SVIL: variants seen among roughly 807,000 people sequenced by gnomAD.
SVIL encodes the protein archvillin.
In SVIL, 101 loss-of-function variants were observed where a neutral mutation model predicts 240.4. That is an observed-to-expected ratio of 0.42 (90% CI 0.36 to 0.50). The LOEUF (loss-of-function observed/expected upper bound fraction) is 0.50. SVIL is among the 20% of genes least tolerant of loss of function. SVIL has a pLI of 0.01. For missense variants in SVIL, 2,512 were observed against 2,818.7 expected, an observed-to-expected ratio of 0.89 and a Z score of 2.46; for synonymous variants, 999 against 1,100.0, an observed-to-expected ratio of 0.91 and a Z score of 1.82.
At position 29,563,235 on chromosome 10, in the gene SVIL, TC is replaced by T. The variant is rs1954673888; in HGVS notation, c.-86del. ...GTGCAACTAAAAGCTGAGCATCGAT[TC>T]CTCTTTCGTGGTTAGCGAGCTGTTC... On this transcript the variant is annotated 5_prime_UTR_variant, in exon 3 of 38. Transcript: ENST00000355867. The T allele has an allele frequency of 1.0e-6, 1 of 985,706 alleles. No individual in the cohort carries two copies. The highest frequency in any genetic ancestry group is 1.7e-5 in the African/African-American group (1 of 57,238). 61.1% of individuals were successfully genotyped at this position (985,706 alleles called of 1,614,324 possible).
chr10:29,594,096 G>T (rs1956489510), intron 1 of SVIL, among the ~76,000 whole-genome samples: 1 of 152,114 alleles, frequency 6.6e-6, no homozygotes, highest in Admixed American at 6.6e-5. Flanking sequence ...ATTTCTGATT[G>T]TTCAATGGAC....
Position 29,551,109 on chromosome 10 carries a change from A to G in SVIL, c.315T>C (p.Ile105=), listed in dbSNP as rs3740003. The change falls in exon 6 of 38, where the codon ATT becomes ATC. Residue 105 remains isoleucine (I), a synonymous_variant. Transcript: ENST00000355867. ...THSLESKAER[I]ARYKAERRRQ... The stretch of plus-strand genomic sequence containing the variant: ...GCCTTCTTTCTGCTTTGTACCTTGC[A>G]ATTCTTTCGGCTTTGGACTCCAGAC... 0.27 allele frequency: 437,685 copies of G among 1,613,830 alleles called. 60,890 individuals are homozygous for G. Among genetic ancestry groups the G allele is most frequent in the African/African-American group, 0.41 (30,819 of 74,928 alleles).
intron 13 of SVIL, among the ~76,000 whole-genome samples, chr10:29,526,749 C>G (rs1222116482): frequency 1.3e-5 from 2 of 152,220 alleles, no homozygotes; most frequent in Non-Finnish European, 2.9e-5. Context: ...TAACACATAA[C>G]ATATGCAGAG....
chr10:29,608,146 C>T (rs2479694), intron 1 of SVIL, among the ~76,000 whole-genome samples: 19,384 of 152,202 alleles, frequency 0.13, 1,404 homozygotes, highest in Middle Eastern at 0.2. Context: ...ACATTACCCC[C>T]GCCTCCTCAC....
intron 17 of SVIL, among the ~76,000 whole-genome samples, chr10:29,505,297 G>C (rs1353325854): frequency 2.0e-5 from 3 of 152,126 alleles, no homozygotes; most frequent in Admixed American, 2.0e-4. Context: ...CTGCACTCCA[G>C]CCTGGGTAAC....
At chr10:29,606,792 TCG>T (rs1316538627) in intron 1 of SVIL, among the ~76,000 whole-genome samples, 1 of 152,214 alleles carries the variant, frequency 6.6e-6, no homozygotes, top group African/African-American at 2.4e-5. Context: ...TCTTGTTCTG[TCG>T]CCCAGGCTGG....
At chr10:29,488,289 C>T (rs1379666887) in intron 23 of SVIL, among the ~76,000 whole-genome samples, 8 of 151,930 alleles carry the variant, frequency 5.3e-5, no homozygotes, top group Non-Finnish European at 1.2e-4. Flanking sequence ...GGGCACGGGG[C>T]GCCAGGAGTA....
At position 29,516,732 on chromosome 10, in the gene SVIL, C is replaced by T. The variant is rs375831374; in HGVS notation, c.3390-3871G>A. Among the ~76,000 whole-genome samples, 479 of 152,358 alleles carry T rather than the reference C, an allele frequency of 3.1e-3. 7 individuals carry two copies. In the South Asian group the frequency reaches 0.045, roughly 14 times the overall value. On this transcript the variant is annotated intron_variant, in intron 16 of 37. Transcript: ENST00000355867. ...GCACGACACTGGCCCGCTCACCCAACGCCTGGCCCAGGGCCACCGTGACAG... is the reference window on the plus strand; with the variant it reads ...GCACGACACTGGCCCGCTCACCCAATGCCTGGCCCAGGGCCACCGTGACAG...
rs139718652 is a variant in SVIL, at chr10:29,532,165, G to A, written c.1846C>T (p.Arg616Trp). The A allele has an allele frequency of 2.2e-5, 36 of 1,613,404 alleles. No homozygotes were observed. Among genetic ancestry groups the A allele is most frequent in the East Asian group, 2.2e-5 (1 of 44,888 alleles). Residue 616 changes from arginine to tryptophan, a missense_variant, in exon 9 of 38, where the codon CGG (arginine) becomes TGG (tryptophan). Arg to Trp is a moderately radical substitution (Grantham distance 101). This residue lies in a region of SVIL where 1,443 missense variants were observed against 1,486.6 expected (regional missense o/e 0.97). Transcript: ENST00000355867. ...NACRRPELKS[R>W]VERSAEGPGL... ...GGTCCTTCAGCCGACCTCTCCACCC[G>A]TGATTTGCTTTGAGAATCAAAGGGC...
At chr10:29,500,825 A>G (rs923735621) in intron 17 of SVIL, among the ~76,000 whole-genome samples, 21 of 152,000 alleles carry the variant, frequency 1.4e-4, no homozygotes, top group African/African-American at 4.6e-4. Context: ...TTTCCTCCTC[A>G]CTATGGCAAA....
intron 30 of SVIL, among the ~76,000 whole-genome samples, chr10:29,471,703 C>A (rs1945601612): frequency 1.3e-5 from 2 of 152,232 alleles, no homozygotes. Context: ...GCAGTCCACT[C>A]AGCCTCTTCC....
intron 1 of SVIL, among the ~76,000 whole-genome samples, chr10:29,622,343 G>A (rs1957693133): frequency 1.3e-5 from 2 of 150,984 alleles, no homozygotes; most frequent in Non-Finnish European, 2.9e-5. Flanking sequence ...GAATCTAAGT[G>A]GCTTGTACAG....
chr10:29,501,049 T>G (rs1371027526), intron 17 of SVIL, among the ~76,000 whole-genome samples: 1 of 152,164 alleles, frequency 6.6e-6, no homozygotes, highest in Non-Finnish European at 1.5e-5. Context: ...ATCATCTAAG[T>G]GATGAATCTG....
intron 2 of SVIL, among the ~76,000 whole-genome samples, chr10:29,673,580 G>GAGA (rs1171648862): frequency 2.1e-5 from 3 of 142,628 alleles, no homozygotes; most frequent in African/African-American, 8.1e-5. Flanking sequence ...GCATTAGGGG[G>GAGA]GAGAGAGAGA....
At chr10:29,669,074 T>C (rs966598023) in intron 2 of SVIL, among the ~76,000 whole-genome samples, 1 of 152,124 alleles carries the variant, frequency 6.6e-6, no homozygotes, top group Non-Finnish European at 1.5e-5. Context: ...CAAATACATG[T>C]ATTGATCCCT....
At chr10:29,595,265 C>T (rs189208008) in intron 1 of SVIL, among the ~76,000 whole-genome samples, 123 of 152,300 alleles carry the variant, frequency 8.1e-4, no homozygotes, top group African/African-American at 2.6e-3. Context: ...AAGGGAGCCT[C>T]GGGAAGCTGA....
At chr10:29,468,105 C>T in intron 32 of SVIL, among the ~76,000 whole-genome samples, 1 of 152,170 alleles carries the variant, frequency 6.6e-6, no homozygotes, top group Non-Finnish European at 1.5e-5. Context: ...AAGCCCTGTA[C>T]CCGTTAGCAG....
intron 1 of SVIL, among the ~76,000 whole-genome samples, chr10:29,605,645 C>A (rs1169730534): frequency 1.3e-5 from 2 of 149,276 alleles, no homozygotes; most frequent in African/African-American, 4.9e-5. Flanking sequence ...AATAGTTTTC[C>A]TAGTTTTTTT....
chr10:29,638,801 C>T (rs970196076), upstream of SVIL, among the ~76,000 whole-genome samples: 9 of 151,938 alleles, frequency 5.9e-5, no homozygotes, highest in African/African-American at 2.2e-4. Flanking sequence ...ACCTCTAATA[C>T]CTAGGGCCCA....
Sources: gnomAD v4.1 joint callset for allele counts (sites outside exome capture counted in the v4.1 genomes callset) on GRCh38, gnomAD v4.1.1 for gene constraint, gnomAD v4.1.1 regional missense constraint, MANE v1.5 for transcripts, NCBI Gene and HGNC (gene_info 2026-07-23, HGNC 2026-07-21) for gene names.